MDM4: variants seen among roughly 807,000 people sequenced by gnomAD.
The protein encoded by MDM4 is protein Mdm4.
MDM4 carries 2 observed loss-of-function variants against 60.2 expected under a neutral mutation model. The ratio of observed to expected loss-of-function variants is 0.03; its 90% CI spans 0.01 to 0.10. MDM4 has a LOEUF of 0.10. Ranked by LOEUF, MDM4 falls within the 10% of genes least tolerant of loss-of-function variation. The pLI is 1.00. For synonymous variants in MDM4, 202 were observed against 198.1 expected, an observed-to-expected ratio of 1.02 and a Z score of -0.17; for missense variants, 447 against 577.5, an observed-to-expected ratio of 0.77 and a Z score of 2.32.
chr1:204,517,011 G>C (rs770057041), intron 1 of MDM4, among the ~76,000 whole-genome samples: 4 of 152,154 alleles, frequency 2.6e-5, no homozygotes, highest in Non-Finnish European at 5.9e-5. Flanking sequence ...AGGCCGAGGT[G>C]GGTGGATCTA....
At chr1:204,519,772 G>T (rs1659368285) in intron 1 of MDM4, among the ~76,000 whole-genome samples, 1 of 151,886 alleles carries the variant, frequency 6.6e-6, no homozygotes. Flanking sequence ...CATGATCACG[G>T]CACTGCAGTC....
chr1:204,529,420 G>A, intron 3 of MDM4: 2 of 1,401,384 alleles, frequency 1.4e-6, no homozygotes, highest in South Asian at 1.2e-5. Context: ...GGAGGTGGCT[G>A]ACCATAGGGG....
Position 204,555,950 on chromosome 1 carries a change from A to G in MDM4, c.*6268A>G, listed in dbSNP as rs1351391485. On this transcript the variant is annotated 3_prime_UTR_variant, in exon 11 of 11. Transcript: ENST00000367182. Reference sequence around the variant, plus strand: ...TGTTTTTTTTTTTAAACAGTTAAGTACTGATGTCAACAGACAAATATTTCT... The same window carrying G: ...TGTTTTTTTTTTTAAACAGTTAAGTGCTGATGTCAACAGACAAATATTTCT... 1 of 203,572 alleles carries G rather than the reference A, an allele frequency of 4.9e-6. No homozygotes were observed. The highest frequency in any genetic ancestry group is 7.6e-5 in the East Asian group (1 of 13,100). The allele number at this position is 203,572 out of a possible 1,614,324, so 12.6% of individuals were successfully genotyped here. A position where few individuals can be genotyped will look rare whatever the true frequency, so the allele number is the denominator to read the frequency against.
intron 1 of MDM4, 97 bp from the exon 2 acceptor site, chr1:204,525,385 CAT>C (rs1240028377): frequency 2.1e-6 from 3 of 1,443,670 alleles, no homozygotes; most frequent in South Asian, 3.0e-5. Flanking sequence ...TTATATGTGT[CAT>C]ATGTGTCTTT....
In MDM4 at chr1:204,557,002, A is replaced by C. The variant is rs772834800; in HGVS notation, c.*7320A>C. On this transcript the variant is annotated 3_prime_UTR_variant, in exon 11 of 11. Coordinates refer to ENST00000367182, the MANE Select transcript of MDM4 (RefSeq NM_002393.5). ...GCCAGTCTTGACGTCCGTATGCCTC[A>C]GTTTTTCTCATATATAAAAAGCAGT... is the stretch of plus-strand genomic sequence containing the variant. 3 of 205,974 alleles carry C rather than the reference A, an allele frequency of 1.5e-5. No homozygotes were observed. Among genetic ancestry groups the C allele is most frequent in the African/African-American group, 6.9e-5 (3 of 43,760 alleles). The allele number at this position is 205,974 out of a possible 1,614,324, so 12.8% of individuals were successfully genotyped here. A position where few individuals can be genotyped will look rare whatever the true frequency, so the allele number is the denominator to read the frequency against.
intron 8 of MDM4, among the ~76,000 whole-genome samples, chr1:204,544,026 T>C (rs1042839672): frequency 6.6e-6 from 1 of 152,224 alleles, no homozygotes; most frequent in African/African-American, 2.4e-5. Context: ...TGTCATGAAA[T>C]ATTCATAGAT....
rs1022358687 is a variant in MDM4, at chr1:204,557,034, A to G, written c.*7352A>G. ...CTCATATATAAAAAGCAGTATACAT[A>G]CCTACCCTTTTCTACCTCATCATTT... On this transcript the variant is annotated 3_prime_UTR_variant, in exon 11 of 11. Coordinates refer to ENST00000367182, the MANE Select transcript of MDM4 (RefSeq NM_002393.5). 15 of 205,054 alleles carry G rather than the reference A, an allele frequency of 7.3e-5. 1 individual carries two copies. Among genetic ancestry groups the G allele is most frequent in the Admixed American group, 5.4e-4 (9 of 16,758 alleles). 12.7% of individuals were successfully genotyped at this position (205,054 alleles called of 1,614,324 possible).
chr1:204,523,473 ATTTTTTTTTTTT>A (rs60954516), intron 1 of MDM4, among the ~76,000 whole-genome samples: 37 of 58,966 alleles, frequency 6.3e-4, no homozygotes, highest in African/African-American at 2.4e-3. Context: ...CCTAAAAAAA[ATTTTTTTTTTTT>A]TTTTTTTTTT....
In MDM4 at chr1:204,554,743, G is replaced by C. The variant is rs1404724664; in HGVS notation, c.*5061G>C. Reference sequence around the variant, plus strand: ...GGGAACAGTTTTTCCTGATTGCTTTGAGAAGTACTTTCTTTTGACAGAAAT... The same window carrying C: ...GGGAACAGTTTTTCCTGATTGCTTTCAGAAGTACTTTCTTTTGACAGAAAT... On this transcript the variant is annotated 3_prime_UTR_variant, in exon 11 of 11. Coordinates refer to ENST00000367182, the MANE Select transcript of MDM4 (RefSeq NM_002393.5). The C allele has an allele frequency of 8.8e-6, 2 of 226,982 alleles. No homozygotes were observed. The highest frequency in any genetic ancestry group is 1.8e-5 in the Non-Finnish European group (2 of 114,252). The allele number at this position is 226,982 out of a possible 1,614,324, so 14.1% of individuals were successfully genotyped here.
chr1:204,534,990 T>C (rs1173044901), intron 5 of MDM4, among the ~76,000 whole-genome samples: 1 of 152,068 alleles, frequency 6.6e-6, no homozygotes, highest in Non-Finnish European at 1.5e-5. Flanking sequence ...TGCAATTGCA[T>C]TGGTGCTTGT....
At chr1:204,533,860 G>A (rs554676407) in intron 5 of MDM4, among the ~76,000 whole-genome samples, 1 of 148,540 alleles carries the variant, frequency 6.7e-6, no homozygotes, top group South Asian at 2.1e-4. Context: ...ATAGTTCACT[G>A]CAGCCTTTAC....
At chr1:204,524,893 A>G (rs915088574) in intron 1 of MDM4, among the ~76,000 whole-genome samples, 38 of 152,178 alleles carry the variant, frequency 2.5e-4, no homozygotes, top group African/African-American at 8.9e-4. Flanking sequence ...TTCATGCTAC[A>G]TCTTTTCTTT....
chr1:204,519,132 A>G (rs774766331), intron 1 of MDM4, among the ~76,000 whole-genome samples: 5 of 152,202 alleles, frequency 3.3e-5, no homozygotes, highest in Non-Finnish European at 7.3e-5. Context: ...AGATACGACT[A>G]AACAGTGCAA....
intron 6 of MDM4, 118 bp downstream of exon 6, chr1:204,537,615 T>C: frequency 1.4e-6 from 1 of 736,632 alleles, no homozygotes. Flanking sequence ...TAAGAAAGGT[T>C]CTTGGGAGTT....
At chr1:204,533,541 A>G (rs1234974252) in intron 5 of MDM4, among the ~76,000 whole-genome samples, 1 of 152,114 alleles carries the variant, frequency 6.6e-6, no homozygotes, top group Non-Finnish European at 1.5e-5. Flanking sequence ...TATTTTTAGT[A>G]GAGACAGGGT....
At chr1:204,531,198 T>G (rs540754221) in intron 4 of MDM4, among the ~76,000 whole-genome samples, 44 of 152,256 alleles carry the variant, frequency 2.9e-4, no homozygotes, top group South Asian at 6.2e-4. Flanking sequence ...GATAGATAAT[T>G]AAGTAGTCAA....
At chr1:204,532,285 T>C in intron 5 of MDM4, 39 bp downstream of exon 5, 1 of 1,361,280 alleles carries the variant, frequency 7.3e-7, no homozygotes, top group Non-Finnish European at 1.0e-6. Flanking sequence ...TATCACAGCT[T>C]TGAGTTCAAG....
chr1:204,532,594 C>A, intron 5 of MDM4: 1 of 603,496 alleles, frequency 1.7e-6, no homozygotes, highest in Non-Finnish European at 2.9e-6. Flanking sequence ...AATCCTATTT[C>A]ATAGCCAGTT....
chr1:204,520,202 C>T (rs985774730), intron 1 of MDM4, among the ~76,000 whole-genome samples: 2 of 145,808 alleles, frequency 1.4e-5, no homozygotes, highest in Non-Finnish European at 3.0e-5. Flanking sequence ...GCATGAACCC[C>T]GGGGGGTGGA....
Sources: allele counts gnomAD v4.1 joint callset (sites outside exome capture counted in the v4.1 genomes callset), GRCh38; gene constraint gnomAD v4.1.1; transcripts MANE v1.5; gene names NCBI Gene and HGNC (gene_info 2026-07-23, HGNC 2026-07-21).